The following CDC42BPB variants were observed in gnomAD, a reference collection of about 807,000 sequenced individuals.
CDC42BPB encodes CDC42 binding protein kinase beta, also known as serine/threonine-protein kinase MRCK beta.
CDC42BPB carries 37 observed loss-of-function variants against 214.9 expected under a neutral mutation model. That is an observed-to-expected ratio of 0.17 (90% confidence interval 0.13 to 0.23). The LOEUF is 0.23. Among genes scored for constraint, CDC42BPB ranks in the 10% least tolerant of loss-of-function variants. The pLI is 1.00. For synonymous variants in CDC42BPB, 931 were observed against 884.0 expected (o/e 1.05, Z -0.94); for missense variants, 1,694 against 2,227.0 (o/e 0.76, Z 4.82).
intron 11 of CDC42BPB, among the ~76,000 whole-genome samples, chr14:102,975,032 C>G (rs1389475835): frequency 1.3e-5 from 2 of 152,202 alleles, no homozygotes; most frequent in Non-Finnish European, 2.9e-5. Flanking sequence ...AAAGTGGTGA[C>G]AGCAGGTCTA....
chr14:103,006,972 C>T (rs570308823), intron 3 of CDC42BPB, among the ~76,000 whole-genome samples: 1 of 152,314 alleles, frequency 6.6e-6, no homozygotes, highest in East Asian at 1.9e-4. Flanking sequence ...GCTCCAATAA[C>T]ATTCCTGTGT....
rs149071515 is a variant in CDC42BPB at position 103,001,638 on chromosome 14, C to T, written c.448-1925G>A. Among the ~76,000 whole-genome samples the T allele has an allele frequency of 3.1e-3, 465 of 152,286 alleles. 4 individuals are homozygous for T. The South Asian group carries it at 0.038, about 12-fold the overall frequency. ...AAGCCCAGGCACCGAGGTGCCACTG[C>T]GTGTGGAGGGCGATGCAGAGGGGGC... is the stretch of plus-strand genomic sequence containing the variant. On this transcript the variant is annotated intron_variant, in intron 4 of 36. Transcript: ENST00000361246. This position sits in a 1 kb window ranked among gnomAD's most constrained non-coding sequence, Gnocchi z 5.8.
At chr14:102,942,143 G>A (rs1376070372) in intron 30 of CDC42BPB, among the ~76,000 whole-genome samples, 1 of 152,196 alleles carries the variant, frequency 6.6e-6, no homozygotes, top group Non-Finnish European at 1.5e-5. Flanking sequence ...GTGTTGGGGG[G>A]TAAGAGTCCA....
rs539534836 is a variant in CDC42BPB, at chr14:102,973,905, A to T, written c.1641+111T>A. On this transcript the variant is annotated intron_variant, in intron 12 of 36. Coordinates refer to ENST00000361246, the MANE Select transcript of CDC42BPB (RefSeq NM_006035.4). Reference sequence around the variant, plus strand: ...CCCTGGCGTCCTGCATGCAGCAGGGACAGCCCATGGGCAGGAGTCCCAAGA... The same window carrying T: ...CCCTGGCGTCCTGCATGCAGCAGGGTCAGCCCATGGGCAGGAGTCCCAAGA... 52 of 1,334,582 alleles carry T rather than the reference A, an allele frequency of 3.9e-5. No homozygotes were observed. The African/African-American group carries it at 6.8e-4, about 17-fold the overall frequency. 82.7% of individuals were successfully genotyped at this position (1,334,582 alleles called of 1,614,324 possible).
Position 102,963,127 on chromosome 14 carries a change from T to C in CDC42BPB, c.2755A>G (p.Arg919Gly), listed in dbSNP as rs1209477360. Reference protein sequence around the residue: ...SKLKDSEAKNRELLEEMEILK... With the variant: ...SKLKDSEAKNGELLEEMEILK... ...ATTTCCATTTCTTCTAATAATTCTCTGTTTTTGGCTTCGGAATCCTTTAGT... is the reference window on the plus strand; with the variant it reads ...ATTTCCATTTCTTCTAATAATTCTCCGTTTTTGGCTTCGGAATCCTTTAGT... Residue 919 changes from arginine (R) to glycine (G), a missense_variant, in exon 20 of 37, where the codon AGA (arginine) becomes GGA (glycine). This residue lies in a region of CDC42BPB where 156 missense variants were observed against 154.5 expected (regional missense o/e 1.01). Coordinates refer to ENST00000361246, the MANE Select transcript of CDC42BPB (RefSeq NM_006035.4). 3.8e-6 allele frequency: 6 copies of C among 1,598,376 alleles called. No individual in the cohort carries two copies. In the African/African-American group the frequency reaches 4.0e-5, roughly 11 times the overall value.
chr14:102,938,103 C>T lies in CDC42BPB; in HGVS notation c.5004+1G>A. 1 of 1,613,968 alleles carries T rather than the reference C, an allele frequency of 6.2e-7. No individual in the cohort carries two copies. Among genetic ancestry groups the T allele is most frequent in the South Asian group, 1.1e-5 (1 of 91,088 alleles). The stretch of plus-strand genomic sequence containing the variant: ...CAGCACTGGACCTGGGCAAGTCTCA[C>T]CTCTTTGTCAAAGTCCTGGTCTGGA... On this transcript the variant is annotated splice_donor_variant, in intron 36 of 36. Transcript: ENST00000361246. LOFTEE classifies it high-confidence loss of function.
In CDC42BPB at chr14:102,945,723, A is replaced by G; in HGVS notation, c.3750T>C (p.Asp1250=). Residue 1250 remains aspartate, a splice_region_variant and synonymous_variant, in exon 29 of 37, where the codon GAT becomes GAC. Transcript: ENST00000361246. ...CTAGGCCGACTGCAATCCTGTCTGCATCTGTGGAGGGGTAAGTAACATACA... is the reference window on the plus strand; with the variant it reads ...CTAGGCCGACTGCAATCCTGTCTGCGTCTGTGGAGGGGTAAGTAACATACA... ...IKAILTAAIV[D]ADRIAVGLEE... The G allele has an allele frequency of 6.2e-7, 1 of 1,612,756 alleles. No individual in the cohort carries two copies. The highest frequency in any genetic ancestry group is 8.5e-7 in the Non-Finnish European group (1 of 1,179,768).
rs1430712932 is a variant in CDC42BPB, at chr14:102,968,476, C to T, written c.2236G>A (p.Glu746Lys). The change falls in exon 15 of 37, where the codon GAA becomes AAA. Residue 746 changes from glutamate to lysine, a missense_variant. Physicochemically the swap from Glu to Lys is moderately conservative, Grantham distance 56 (BLOSUM62 1). Around this residue, in one of 7 missense-constraint regions of CDC42BPB, gnomAD observed 462 missense variants for 513.5 expected, o/e 0.90. Transcript: ENST00000361246. ...GAGAAGCTCATGAAAACCTACCGTT[C>T]TCGCTTTGACTTTTCTAACTTATCT... ...LKDKLEKSKR[E>K]RHNEMEEAVG... 1.2e-6 allele frequency: 2 copies of T among 1,613,958 alleles called. No homozygotes were observed. Among genetic ancestry groups the T allele is most frequent in the African/African-American group, 1.3e-5 (1 of 74,884 alleles).
intron 30 of CDC42BPB, 57 bp from the exon 31 acceptor site, chr14:102,940,381 C>T (rs1006011692): frequency 2.6e-6 from 4 of 1,548,090 alleles, no homozygotes; most frequent in Non-Finnish European, 3.5e-6. Flanking sequence ...CTCACCTGCC[C>T]TCGGGCCGGA....
intron 23 of CDC42BPB, among the ~76,000 whole-genome samples, chr14:102,953,712 G>C (rs1241108888): frequency 6.6e-6 from 1 of 152,244 alleles, no homozygotes; most frequent in Non-Finnish European, 1.5e-5. Flanking sequence ...GGGGCCCAGT[G>C]GGGCCGCTGT....
At position 102,968,268 on chromosome 14, in the gene CDC42BPB, A is replaced by G; in HGVS notation, c.2331T>C (p.Thr777=). ...AATTAATTACCTTTTCATTTTCAGC[A>G]GTTAGCTTCTTGTTTTCATCAAACA... ...AMLFDENKKL[T]AENEKLCSFV... The change falls in exon 16 of 37, where the codon ACT becomes ACC. Residue 777 remains threonine, a synonymous_variant. Coordinates refer to ENST00000361246, the MANE Select transcript of CDC42BPB (RefSeq NM_006035.4). 6.2e-7 allele frequency: 1 copy of G among 1,612,592 alleles called. No individual in the cohort carries two copies. Among genetic ancestry groups the G allele is most frequent in the Non-Finnish European group, 8.5e-7 (1 of 1,178,828 alleles).
At position 103,004,194 on chromosome 14, in the gene CDC42BPB, C is replaced by T. The variant is rs1479410112; in HGVS notation, c.352-171G>A. 2.8e-5 allele frequency: 38 copies of T among 1,360,668 alleles called. No individual in the cohort carries two copies. In the South Asian group the frequency reaches 4.9e-4, roughly 18 times the overall value. 84.3% of individuals were successfully genotyped at this position (1,360,668 alleles called of 1,614,324 possible). On this transcript the variant is annotated intron_variant, in intron 3 of 36. Transcript: ENST00000361246. This position sits in a 1 kb window ranked among gnomAD's most constrained non-coding sequence, Gnocchi z 5.3. ...CTGCTGAGGCTGAGCCATCCCTCAT[C>T]CCTTCCTCTCCCAAGCCCCGTGCAA...
intron 1 of CDC42BPB, among the ~76,000 whole-genome samples, chr14:103,042,783 C>G (rs1038349428): frequency 6.6e-6 from 1 of 152,164 alleles, no homozygotes; most frequent in African/African-American, 2.4e-5. Flanking sequence ...CAGAAAACAA[C>G]AAGTGCTGGC....
At chr14:102,948,089 C>G (rs969935450) in intron 26 of CDC42BPB, 1 of 426,360 alleles carries the variant, frequency 2.3e-6, no homozygotes, top group South Asian at 1.1e-4. Context: ...TCGGTTTGCA[C>G]TTGGCACAGC....
chr14:102,974,459 G>A, intron 11 of CDC42BPB: 1 of 719,768 alleles, frequency 1.4e-6, no homozygotes, highest in Non-Finnish European at 1.7e-6. Flanking sequence ...TCTAACCTGT[G>A]TCACCCAGCA....
intron 1 of CDC42BPB, among the ~76,000 whole-genome samples, chr14:103,022,057 C>T (rs1886804524): frequency 6.6e-6 from 1 of 152,084 alleles, no homozygotes; most frequent in Non-Finnish European, 1.5e-5. Flanking sequence ...CAGTGTACAG[C>T]TGGTATCGGA....
chr14:102,959,838 TAAAAA>T (rs35833302), intron 20 of CDC42BPB, 128 bp from the exon 21 acceptor site: 120 of 717,600 alleles, frequency 1.7e-4, no homozygotes, highest in Middle Eastern at 7.5e-4. Flanking sequence ...TGATCACAAT[TAAAAA>T]AAAAAAAAAA....
In CDC42BPB at chr14:102,966,069, G is replaced by T. The variant is rs147147633; in HGVS notation, c.2577+213C>A. 1.6e-3 allele frequency among the ~76,000 whole-genome samples: 246 copies of T among 152,338 alleles called. 2 individuals are homozygous for T. The highest frequency in any genetic ancestry group is 5.7e-3 in the African/African-American group (235 of 41,568). On this transcript the variant is annotated intron_variant, in intron 18 of 36. Transcript: ENST00000361246. ...TTGACACCACGGAGCTCAGTGCTCAGTAATTATTTGCTAAACGAATGAATG... is the reference window on the plus strand; with the variant it reads ...TTGACACCACGGAGCTCAGTGCTCATTAATTATTTGCTAAACGAATGAATG...
intron 9 of CDC42BPB, 106 bp from the exon 10 acceptor site, chr14:102,976,155 C>A: frequency 6.6e-7 from 1 of 1,511,738 alleles, no homozygotes; most frequent in Non-Finnish European, 8.8e-7. Flanking sequence ...AATCAGCAAA[C>A]AAAAACACCT....
Sources: gnomAD v4.1 joint callset for allele counts (sites outside exome capture counted in the v4.1 genomes callset) on GRCh38, gnomAD v4.1.1 for gene constraint, gnomAD v4.1.1 regional missense constraint, Gnocchi (gnomAD v3.1) non-coding constraint, MANE v1.5 for transcripts, NCBI Gene and HGNC (gene_info 2026-07-23, HGNC 2026-07-21) for gene names.